AGAP1: variants seen among roughly 807,000 people sequenced by gnomAD.
AGAP1 encodes the protein ArfGAP with GTPase domain, ankyrin repeat and PH domain 1.
Under a neutral mutation model 105.3 loss-of-function variants are expected in AGAP1, and 29 were observed. That is an observed-to-expected ratio of 0.28 (90% confidence interval 0.21 to 0.38). The LOEUF is 0.38. Among genes scored for constraint, AGAP1 ranks in the 10% least tolerant of loss-of-function variants. The pLI is 1.00. For missense variants in AGAP1, 998 were observed against 1,165.1 expected (o/e 0.86, Z 2.09); for synonymous variants, 509 against 485.9 (o/e 1.05, Z -0.63).
chr2:236,020,293 T>C lies in AGAP1; in HGVS notation c.1646-16268T>C, dbSNP rs1408429396. Among the ~76,000 whole-genome samples the C allele has an allele frequency of 1.3e-5, 2 of 152,224 alleles. No individual in the cohort carries two copies. The highest frequency in any genetic ancestry group is 4.8e-5 in the African/African-American group (2 of 41,462). ...TCAAGCACCCAGATTCTCTCTGTTTTCAAAGAAAATTGCAGTGTTTGAACG... is the reference window on the plus strand; with the variant it reads ...TCAAGCACCCAGATTCTCTCTGTTTCCAAAGAAAATTGCAGTGTTTGAACG... On this transcript the variant is annotated intron_variant, in intron 13 of 17. Transcript: ENST00000304032. This position sits in a 1 kb window ranked among gnomAD's most constrained non-coding sequence, Gnocchi z 5.0.
intron 9 of AGAP1, among the ~76,000 whole-genome samples, chr2:235,840,231 TCTGTGCATTCTGATGGCTTCAGCCG>T (rs1185259559): frequency 2.0e-5 from 3 of 151,586 alleles, no homozygotes; most frequent in Non-Finnish European, 4.4e-5. Flanking sequence ...GGCTTCAGCC[TCTGTGCATTCTGATGGCTTCAGCCG>T]CTGTCCATTC....
At chr2:235,828,291 C>G (rs755785747) in intron 9 of AGAP1, among the ~76,000 whole-genome samples, 1 of 152,116 alleles carries the variant, frequency 6.6e-6, no homozygotes, top group Non-Finnish European at 1.5e-5. Context: ...TTGGGAATTT[C>G]TTTTTTTGGT....
chr2:235,669,445 C>T (rs1948244265), intron 1 of AGAP1, among the ~76,000 whole-genome samples: 1 of 151,642 alleles, frequency 6.6e-6, no homozygotes, highest in African/African-American at 2.4e-5. Flanking sequence ...CTCGGAGGCT[C>T]CGGTCCGCGC....
chr2:236,021,414 A>G lies in AGAP1; in HGVS notation c.1646-15147A>G, dbSNP rs1206912511. 5.9e-5 allele frequency among the ~76,000 whole-genome samples: 9 copies of G among 152,222 alleles called. No individual in the cohort carries two copies. In the East Asian group the frequency reaches 1.2e-3, roughly 20 times the overall value. ...GGTAAGCCCGGGTCTCCTGATGGCC[A>G]TGCTGGACTCTTGCAGAGGAACCCG... is the stretch of plus-strand genomic sequence containing the variant. On this transcript the variant is annotated intron_variant, in intron 13 of 17. Transcript: ENST00000304032.
chr2:235,589,757 T>C (rs1559271299), intron 1 of AGAP1, among the ~76,000 whole-genome samples: 1 of 152,122 alleles, frequency 6.6e-6, no homozygotes, highest in Non-Finnish European at 1.5e-5. Flanking sequence ...TTTTAGTGTT[T>C]GTGTAGCCAG....
chr2:235,784,614 AAAC>A (rs1302055203), intron 6 of AGAP1, among the ~76,000 whole-genome samples: 1 of 151,680 alleles, frequency 6.6e-6, no homozygotes, highest in Non-Finnish European at 1.5e-5. Context: ...AAAAAAAAAA[AAAC>A]CATGAAAAGT....
chr2:236,016,381 C>CTTTTTTTTTT (rs151088125), intron 13 of AGAP1, among the ~76,000 whole-genome samples: 4 of 114,668 alleles, frequency 3.5e-5, no homozygotes, highest in Non-Finnish European at 5.4e-5. Context: ...GTTGGGTTTG[C>CTTTTTTTTTT]TTTTTTTTTT....
In AGAP1 at chr2:235,751,197, C is replaced by T. The variant is rs773288205; in HGVS notation, c.673+709C>T. 2.0e-4 allele frequency among the ~76,000 whole-genome samples: 30 copies of T among 152,014 alleles called. No individual in the cohort carries two copies. The highest frequency in any genetic ancestry group is 4.0e-4 in the Non-Finnish European group (27 of 67,976). On this transcript the variant is annotated intron_variant, in intron 6 of 17. Transcript: ENST00000304032. This position sits in a 1 kb window ranked among gnomAD's most constrained non-coding sequence, Gnocchi z 5.3. Reference sequence around the variant, plus strand: ...TGCGTGGGGTGGGCGGGAGAGGTGGCGTCACCCTGGGGATAGGAGGGTCTG... The same window carrying T: ...TGCGTGGGGTGGGCGGGAGAGGTGGTGTCACCCTGGGGATAGGAGGGTCTG...
chr2:236,075,764 AACAGCAG>A lies in AGAP1; in HGVS notation c.2114+26484_2114+26490del. ...GAGGTCTCAAGAGGAGCCTTTGACA[AACAGCAG>A]TGAGAGCTGATTGCTGCCCAGTGTC... On this transcript the variant is annotated intron_variant, in intron 16 of 17. Coordinates refer to ENST00000304032, the MANE Select transcript of AGAP1 (RefSeq NM_001037131.3). Among the ~76,000 whole-genome samples, 4 of 152,324 alleles carry A rather than the reference AACAGCAG, an allele frequency of 2.6e-5. 1 individual carries two copies. The Middle Eastern group carries it at 0.01, about 389-fold the overall frequency.
intron 1 of AGAP1, among the ~76,000 whole-genome samples, chr2:235,617,650 C>T (rs1263695333): frequency 6.6e-5 from 10 of 152,050 alleles, no homozygotes; most frequent in South Asian, 2.1e-4. Context: ...TGCAGTGAGC[C>T]GAGATCCCGC....
Position 236,056,697 on chromosome 2 carries a change from TTTC to T in AGAP1, c.2114+7425_2114+7427del, listed in dbSNP as rs758231564. Reference sequence around the variant, plus strand: ...CTCTGTCTTCTAGTGAACTTTTCTCTTTCTTCTTCTTAATGAAGAGGAGGGAGA... The same window carrying T: ...CTCTGTCTTCTAGTGAACTTTTCTCTTTCTTCTTAATGAAGAGGAGGGAGA... On this transcript the variant is annotated intron_variant, in intron 16 of 17. Transcript: ENST00000304032. The surrounding 1 kb of genome is among the most constrained non-coding windows in gnomAD (Gnocchi z 4.6). 6.6e-6 allele frequency among the ~76,000 whole-genome samples: 1 copy of T among 152,190 alleles called. No individual in the cohort carries two copies. Among genetic ancestry groups the T allele is most frequent in the South Asian group, 2.1e-4 (1 of 4,828 alleles).
intron 12 of AGAP1, among the ~76,000 whole-genome samples, chr2:235,944,277 C>G (rs1359334137): frequency 6.6e-6 from 1 of 152,168 alleles, no homozygotes; most frequent in Non-Finnish European, 1.5e-5. Context: ...CATGATCATT[C>G]CATCTGGTCA....
intron 1 of AGAP1, among the ~76,000 whole-genome samples, chr2:235,646,597 T>G (rs972831271): frequency 1.3e-5 from 2 of 152,224 alleles, no homozygotes; most frequent in African/African-American, 4.8e-5. Flanking sequence ...TTGCTTTTCC[T>G]GTGTTGGTGT....
At chr2:235,839,401 C>G (rs1043339543) in intron 9 of AGAP1, among the ~76,000 whole-genome samples, 1 of 152,186 alleles carries the variant, frequency 6.6e-6, no homozygotes, top group Non-Finnish European at 1.5e-5. Context: ...CATCTATTCT[C>G]TAGTGTTTCC....
intron 11 of AGAP1, among the ~76,000 whole-genome samples, chr2:235,924,727 A>G (rs1379050900): frequency 1.3e-5 from 2 of 152,162 alleles, no homozygotes; most frequent in Non-Finnish European, 2.9e-5. Context: ...TCATGTTGTA[A>G]GAGGAACCCC....
In AGAP1 at chr2:236,104,619, G is replaced by A. The variant is rs557640862; in HGVS notation, c.2115-15573G>A. On this transcript the variant is annotated intron_variant, in intron 16 of 17. Transcript: ENST00000304032. The surrounding 1 kb of genome is among the most constrained non-coding windows in gnomAD (Gnocchi z 4.7). ...AGACAAGCGTGCACAGGCCAGGCGC[G>A]GTGGCTCATGCCTGTAATGCCAGCA... Among the ~76,000 whole-genome samples, 9 of 152,292 alleles carry A rather than the reference G, an allele frequency of 5.9e-5. No homozygotes were observed. Among genetic ancestry groups the A allele is most frequent in the South Asian group, 2.1e-4 (1 of 4,820 alleles).
At chr2:235,790,772 C>G (rs915643072) in intron 6 of AGAP1, among the ~76,000 whole-genome samples, 3 of 152,210 alleles carry the variant, frequency 2.0e-5, no homozygotes, top group African/African-American at 7.2e-5. Flanking sequence ...GAGTGTCAGG[C>G]AGGCCCTGGC....
At position 235,930,154 on chromosome 2, in the gene AGAP1, C is replaced by G. The variant is rs1371585659; in HGVS notation, c.1325-611C>G. Among the ~76,000 whole-genome samples the G allele has an allele frequency of 1.3e-5, 2 of 152,120 alleles. No individual in the cohort carries two copies. Among genetic ancestry groups the G allele is most frequent in the South Asian group, 4.1e-4 (2 of 4,822 alleles). ...CAATGGAATCATTTTTCATCACAGC[C>G]CCTGTGCTCTATGAAGTCACGCAGG... On this transcript the variant is annotated intron_variant, in intron 11 of 17. Transcript: ENST00000304032. This position sits in a 1 kb window ranked among gnomAD's most constrained non-coding sequence, Gnocchi z 7.9.
rs1942452306 is a variant in AGAP1 at position 235,517,834 on chromosome 2, G to A, written c.163+22985G>A. Among the ~76,000 whole-genome samples the A allele has an allele frequency of 6.6e-6, 1 of 151,640 alleles. No homozygotes were observed. The highest frequency in any genetic ancestry group is 1.5e-5 in the Non-Finnish European group (1 of 67,916). Reference sequence around the variant, plus strand: ...TGCCTGTAACCCCAGCTACACGGGAGGCTGAGGCAGGAGAATCTCTTGAAC... The same window carrying A: ...TGCCTGTAACCCCAGCTACACGGGAAGCTGAGGCAGGAGAATCTCTTGAAC... On this transcript the variant is annotated intron_variant, in intron 1 of 17. Transcript: ENST00000304032. The surrounding 1 kb of genome is among the most constrained non-coding windows in gnomAD (Gnocchi z 4.1).
Sources: gnomAD v4.1 joint callset for allele counts (sites outside exome capture counted in the v4.1 genomes callset) on GRCh38, gnomAD v4.1.1 for gene constraint, Gnocchi (gnomAD v3.1) non-coding constraint, MANE v1.5 for transcripts, NCBI Gene and HGNC (gene_info 2026-07-23, HGNC 2026-07-21) for gene names.